XKR4: variants seen among roughly 807,000 people sequenced by gnomAD.
XKR4 encodes XK-related protein 4.
In XKR4, 12 loss-of-function variants were observed where a neutral mutation model predicts 53.9. That is an observed-to-expected ratio of 0.22 (90% CI 0.14 to 0.36). The LOEUF (loss-of-function observed/expected upper bound fraction) is 0.36, where lower values mean the gene tolerates loss of function less well. XKR4 is among the 10% of genes least tolerant of loss of function. The pLI is 1.00. For synonymous variants in XKR4, 354 were observed against 362.4 expected (o/e 0.98, Z 0.26); for missense variants, 799 against 859.5 (o/e 0.93, Z 0.88).
At chr8:55,372,391 G>A (rs1804080837) in intron 2 of XKR4, among the ~76,000 whole-genome samples, 1 of 152,190 alleles carries the variant, frequency 6.6e-6, no homozygotes, top group Non-Finnish European at 1.5e-5. Context: ...TGCTTTGACT[G>A]AATATCAACA....
At chr8:55,322,620 A>G (rs1803231733) in intron 1 of XKR4, among the ~76,000 whole-genome samples, 1 of 152,236 alleles carries the variant, frequency 6.6e-6, no homozygotes, top group African/African-American at 2.4e-5. Flanking sequence ...CTCTTGCTCT[A>G]TAATCTTACC....
intron 2 of XKR4, among the ~76,000 whole-genome samples, chr8:55,427,383 A>AT (rs1376075857): frequency 2.6e-5 from 4 of 151,926 alleles, no homozygotes; most frequent in South Asian, 4.1e-4. Context: ...TTTAAAAAAA[A>AT]TTTTTTTAAT....
chr8:55,508,664 G>T (rs538689055), intron 2 of XKR4, among the ~76,000 whole-genome samples: 1 of 152,352 alleles, frequency 6.6e-6, no homozygotes, highest in Admixed American at 6.5e-5. Flanking sequence ...AACACAAGAG[G>T]TTCAAGAGAG....
intron 1 of XKR4, among the ~76,000 whole-genome samples, chr8:55,216,118 G>A (rs1278023065): frequency 6.6e-6 from 1 of 152,100 alleles, no homozygotes; most frequent in African/African-American, 2.4e-5. Context: ...TTAATTAAGT[G>A]GATATATACT....
At chr8:55,200,179 T>C (rs1817561269) in intron 1 of XKR4, among the ~76,000 whole-genome samples, 1 of 152,230 alleles carries the variant, frequency 6.6e-6, no homozygotes, top group Admixed American at 6.5e-5. Context: ...GTGAATCCCC[T>C]GCCTCAGCCT....
chr8:55,138,425 G>A (rs1758996526), intron 1 of XKR4, among the ~76,000 whole-genome samples: 1 of 152,188 alleles, frequency 6.6e-6, no homozygotes, highest in Admixed American at 6.5e-5. Context: ...AGTTTTTAAA[G>A]TCAGCTCACA....
Position 55,355,091 on chromosome 8 carries a change from AG to A in XKR4, c.807-2582del, listed in dbSNP as rs377692972. On this transcript the variant is annotated intron_variant, in intron 1 of 2. Transcript: ENST00000327381. ...GCTAATTTTTGTATTTTTAGTAGAG[AG>A]GGGGTTTCATCATATTGGTCAGGCT... 8.9e-3 allele frequency among the ~76,000 whole-genome samples: 1,351 copies of A among 152,006 alleles called. 26 individuals are homozygous for A. The highest frequency in any genetic ancestry group is 0.03 in the African/African-American group (1,244 of 41,440).
At chr8:55,313,578 G>C (rs1325749847) in intron 1 of XKR4, among the ~76,000 whole-genome samples, 3 of 152,168 alleles carry the variant, frequency 2.0e-5, no homozygotes, top group Admixed American at 2.0e-4. Context: ...CTAGATGGGG[G>C]TGTCTACTTG....
chr8:55,284,512 G>A (rs1302333965), intron 1 of XKR4, among the ~76,000 whole-genome samples: 1 of 152,116 alleles, frequency 6.6e-6, no homozygotes, highest in Non-Finnish European at 1.5e-5. Flanking sequence ...GTTCCATGCT[G>A]GCTGTTGGCA....
At chr8:55,211,970 T>A (rs1817737705) in intron 1 of XKR4, among the ~76,000 whole-genome samples, 1 of 152,126 alleles carries the variant, frequency 6.6e-6, no homozygotes, top group Non-Finnish European at 1.5e-5. Flanking sequence ...TGCATGGGTT[T>A]GGTCTAACTT....
At chr8:55,128,104 G>A (rs1227402720) in intron 1 of XKR4, among the ~76,000 whole-genome samples, 2 of 151,976 alleles carry the variant, frequency 1.3e-5, no homozygotes, top group African/African-American at 4.8e-5. Context: ...CCAGTAATGG[G>A]ATGGCTGGGT....
rs1807069655 is a variant in XKR4, at chr8:55,539,183, A to C, written c.*14956A>C. On this transcript the variant is annotated 3_prime_UTR_variant, in exon 3 of 3. Coordinates refer to ENST00000327381, the MANE Select transcript of XKR4 (RefSeq NM_052898.2). ...TTTATAAATATTTGTAATTTTTGAGACATAGAGGCAATATCATGATATAGG... is the reference window on the plus strand; with the variant it reads ...TTTATAAATATTTGTAATTTTTGAGCCATAGAGGCAATATCATGATATAGG... 1 of 152,254 alleles carries C rather than the reference A, an allele frequency of 6.6e-6. No homozygotes were observed. The highest frequency in any genetic ancestry group is 2.1e-4 in the South Asian group (1 of 4,832). 9.4% of individuals were successfully genotyped at this position (152,254 alleles called of 1,614,324 possible).
intron 1 of XKR4, among the ~76,000 whole-genome samples, chr8:55,333,078 T>G (rs929070003): frequency 7.2e-5 from 11 of 152,106 alleles, no homozygotes; most frequent in African/African-American, 2.7e-4. Context: ...TTTAAAAATT[T>G]TATTTCTTTC....
At chr8:55,356,823 A>G (rs1367671621) in intron 1 of XKR4, among the ~76,000 whole-genome samples, 1 of 152,082 alleles carries the variant, frequency 6.6e-6, no homozygotes, top group Non-Finnish European at 1.5e-5. Context: ...TTCCATCTCT[A>G]CCAACCCTGA....
chr8:55,107,048 T>C (rs1816159121), intron 1 of XKR4, among the ~76,000 whole-genome samples: 1 of 152,190 alleles, frequency 6.6e-6, no homozygotes, highest in Non-Finnish European at 1.5e-5. Context: ...TTAAACATTC[T>C]TATAATGATG....
At chr8:55,215,037 A>G (rs751219234) in intron 1 of XKR4, among the ~76,000 whole-genome samples, 20 of 151,114 alleles carry the variant, frequency 1.3e-4, no homozygotes, top group Non-Finnish European at 2.4e-4. Flanking sequence ...CATCTTTATC[A>G]TTTGCCTTTT....
intron 2 of XKR4, chr8:55,453,950 A>G: frequency 1.5e-6 from 1 of 685,824 alleles, no homozygotes; most frequent in Non-Finnish European, 2.7e-6. Context: ...ATCGTCCTCC[A>G]CCAGCCCACA....
At chr8:55,133,386 T>C (rs1322079213) in intron 1 of XKR4, among the ~76,000 whole-genome samples, 1 of 152,228 alleles carries the variant, frequency 6.6e-6, no homozygotes, top group Non-Finnish European at 1.5e-5. Flanking sequence ...CATGTGAGTC[T>C]ACCCAAGGCA....
chr8:55,240,034 T>C (rs1020671500), intron 1 of XKR4, among the ~76,000 whole-genome samples: 2 of 152,214 alleles, frequency 1.3e-5, no homozygotes, highest in African/African-American at 4.8e-5. Context: ...CTAGAGTATA[T>C]CACTGTGTGC....
Sources: gnomAD v4.1 joint callset for allele counts (sites outside exome capture counted in the v4.1 genomes callset) on GRCh38, gnomAD v4.1.1 for gene constraint, MANE v1.5 for transcripts, NCBI Gene and HGNC (gene_info 2026-07-23, HGNC 2026-07-21) for gene names.